The following BTBD16 variants were observed in gnomAD, a reference collection of about 807,000 sequenced individuals.
The protein encoded by BTBD16 is BTB/POZ domain-containing protein 16.
BTBD16 carries 66 observed loss-of-function variants against 67.4 expected under a neutral mutation model. That is an observed-to-expected ratio of 0.98 (90% CI 0.80 to 1.20). The LOEUF is 1.20. Ranked by LOEUF, BTBD16 falls within the 50% of genes most tolerant of loss-of-function variation. The pLI, the probability that BTBD16 is intolerant of heterozygous loss-of-function variation, is 0.00. For missense variants in BTBD16, 634 were observed against 616.0 expected (o/e 1.03, Z -0.31); for synonymous variants, 242 against 236.4 (o/e 1.02, Z -0.22).
chr10:122,285,560 G>A (rs1359703797), intron 4 of BTBD16, among the ~76,000 whole-genome samples: 2 of 152,122 alleles, frequency 1.3e-5, no homozygotes, highest in African/African-American at 4.8e-5. Flanking sequence ...CGGACACTTG[G>A]CAATGTCTGG....
At chr10:122,298,160 G>A (rs2096387104) in intron 8 of BTBD16, among the ~76,000 whole-genome samples, 1 of 152,072 alleles carries the variant, frequency 6.6e-6, no homozygotes, top group South Asian at 2.1e-4. Context: ...GATTCACCTG[G>A]GTCTAATCAG....
intron 10 of BTBD16, among the ~76,000 whole-genome samples, chr10:122,310,940 G>A (rs61871680): frequency 0.12 from 18,333 of 152,176 alleles, 1,509 homozygotes; most frequent in Non-Finnish European, 0.16. Flanking sequence ...AAGGAGGGTC[G>A]AGAGCCATTA....
intron 10 of BTBD16, among the ~76,000 whole-genome samples, chr10:122,308,192 T>C (rs2096407073): frequency 6.6e-6 from 1 of 152,102 alleles, no homozygotes; most frequent in African/African-American, 2.4e-5. Context: ...TAGAATGTGG[T>C]GATTCATTAG....
chr10:122,312,309 CTTTTTTTT>C (rs58045019), intron 10 of BTBD16, among the ~76,000 whole-genome samples: 4 of 105,602 alleles, frequency 3.8e-5, no homozygotes, highest in Non-Finnish European at 7.4e-5. Flanking sequence ...TTTTCTTTTT[CTTTTTTTT>C]TTTTTTTTTT....
intron 7 of BTBD16, chr10:122,295,371 A>G (rs532876384): frequency 3.0e-6 from 3 of 985,420 alleles, no homozygotes; most frequent in South Asian, 4.7e-5. Context: ...CTAAGACCCA[A>G]TGCAGCTGCA....
chr10:122,334,840 T>A (rs1201732491), intron 13 of BTBD16, 41 bp from the exon 14 acceptor site: 1 of 1,271,718 alleles, frequency 7.9e-7, no homozygotes, highest in East Asian at 2.3e-5. Flanking sequence ...ATACTAAATA[T>A]TTTCCCCCCT....
chr10:122,327,703 G>C, intron 10 of BTBD16: 1 of 949,146 alleles, frequency 1.1e-6, no homozygotes, highest in East Asian at 1.2e-4. Flanking sequence ...CAACAAAGCT[G>C]TTTCCAAATC....
chr10:122,329,549 G>T lies in BTBD16; in HGVS notation c.981G>T (p.Leu327Phe). The part of the protein sequence containing the change: ...GRSLRPLFLC[L>F]RLHGITKGKD... The stretch of plus-strand genomic sequence containing the variant: ...GCTTGAGGCCGCTCTTCCTCTGCTT[G>T]CGTCTGCACGGCATCACCAAAGGTA... Residue 327 changes from leucine to phenylalanine, a missense_variant, in exon 11 of 16, where the codon TTG (leucine) becomes TTT (phenylalanine). Coordinates refer to ENST00000260723, the MANE Select transcript of BTBD16 (RefSeq NM_144587.5). 6.2e-7 allele frequency: 1 copy of T among 1,613,930 alleles called. No individual in the cohort carries two copies. Among genetic ancestry groups the T allele is most frequent in the Non-Finnish European group, 8.5e-7 (1 of 1,180,036 alleles).
intron 9 of BTBD16, among the ~76,000 whole-genome samples, chr10:122,306,464 C>T (rs1175498296): frequency 6.6e-6 from 1 of 152,244 alleles, no homozygotes; most frequent in Non-Finnish European, 1.5e-5. Context: ...ATCACACTTT[C>T]ACAGATGAGG....
intron 4 of BTBD16, among the ~76,000 whole-genome samples, chr10:122,285,293 G>C (rs1185058797): frequency 2.2e-4 from 34 of 152,080 alleles, no homozygotes; most frequent in Admixed American, 1.9e-3. Flanking sequence ...ACCTGGCCTG[G>C]CATCCTTGGT....
intron 10 of BTBD16, among the ~76,000 whole-genome samples, chr10:122,318,762 A>C (rs1407747381): frequency 6.6e-6 from 1 of 151,918 alleles, no homozygotes. Context: ...ATTTTTGTAT[A>C]TTTAGTAGAG....
At position 122,283,078 on chromosome 10, in the gene BTBD16, G is replaced by C. The variant is rs564190677; in HGVS notation, c.168-773G>C. ...AGGAGCTGGTTAGCCGTGCTAAGGA[G>C]TTTGGGCTTTCCCCCAAGAGCAATG... On this transcript the variant is annotated intron_variant, in intron 3 of 15. Transcript: ENST00000260723. Among the ~76,000 whole-genome samples, 15 of 152,330 alleles carry C rather than the reference G, an allele frequency of 9.8e-5. No individual in the cohort carries two copies. The South Asian group carries it at 3.1e-3, about 32-fold the overall frequency.
chr10:122,290,264 AG>A (rs1314425468), intron 6 of BTBD16, among the ~76,000 whole-genome samples: 3 of 152,216 alleles, frequency 2.0e-5, no homozygotes, highest in African/African-American at 7.2e-5. Context: ...GGGAGAAGAC[AG>A]CGGCTTCTCA....
At chr10:122,316,380 G>C (rs1037727605) in intron 10 of BTBD16, among the ~76,000 whole-genome samples, 1 of 152,152 alleles carries the variant, frequency 6.6e-6, no homozygotes, top group African/African-American at 2.4e-5. Flanking sequence ...AGATTTGTTT[G>C]CATTTTCTAG....
intron 1 of BTBD16, among the ~76,000 whole-genome samples, chr10:122,274,547 C>T (rs1278366487): frequency 6.6e-6 from 1 of 152,140 alleles, no homozygotes; most frequent in Admixed American, 6.5e-5. Flanking sequence ...AACCCAACAG[C>T]CCTGATAATG....
At chr10:122,287,330 T>C (rs2096365771) in intron 5 of BTBD16, 3 of 707,774 alleles carry the variant, frequency 4.2e-6, no homozygotes, top group Non-Finnish European at 5.2e-6. Flanking sequence ...AGTGAGTTCA[T>C]GGAAAAGCAG....
At chr10:122,302,788 A>T (rs2096396602) in intron 9 of BTBD16, among the ~76,000 whole-genome samples, 1 of 152,206 alleles carries the variant, frequency 6.6e-6, no homozygotes, top group African/African-American at 2.4e-5. Context: ...ACCCAGACTG[A>T]TTCCTATAGC....
Position 122,336,640 on chromosome 10 carries a change from C to G in BTBD16, c.1410C>G (p.Ile470Met), listed in dbSNP as rs149843204. The G allele has an allele frequency of 5.6e-6, 9 of 1,605,440 alleles. No homozygotes were observed. In the African/African-American group the frequency reaches 1.2e-4, roughly 22 times the overall value. ...GGCAGGAGTTCAGGACAAACCAGAT[C>G]AAGCAGAAGTTTGGGTTGACCACGT... The part of the protein sequence containing the change: ...GKWQEFRTNQ[I>M]KQKFGLTTSS... Residue 470 changes from isoleucine to methionine, a missense_variant, in exon 15 of 16, where the codon ATC becomes ATG. Ile to Met is a conservative substitution (Grantham distance 10). Transcript: ENST00000260723.
At chr10:122,329,656 C>A in intron 11 of BTBD16, 85 bp downstream of exon 11, 2 of 1,142,546 alleles carry the variant, frequency 1.8e-6, no homozygotes, top group Non-Finnish European at 2.6e-6. Flanking sequence ...GGAGCCCCAC[C>A]TGATGTTTCC....
Sources: gnomAD v4.1 joint callset for allele counts (sites outside exome capture counted in the v4.1 genomes callset) on GRCh38, gnomAD v4.1.1 for gene constraint, MANE v1.5 for transcripts, NCBI Gene and HGNC (gene_info 2026-07-23, HGNC 2026-07-21) for gene names.